HK1: variants seen among roughly 807,000 people sequenced by gnomAD.
The protein encoded by HK1 is hexokinase 1, also known as hexokinase-1.
Under a neutral mutation model 91.6 loss-of-function variants are expected in HK1, and 28 were observed. The ratio of observed to expected loss-of-function variants is 0.31; its 90% CI spans 0.23 to 0.42. The LOEUF (loss-of-function observed/expected upper bound fraction) is 0.42, where lower values mean the gene tolerates loss of function less well. HK1 is among the 10% of genes least tolerant of loss of function. The pLI is 1.00. For missense variants in HK1, 770 were observed against 1,219.8 expected (o/e 0.63, Z 5.49); for synonymous variants, 430 against 468.1 (o/e 0.92, Z 1.05).
chr10:69,359,523 G>A (rs900561822), intron 2 of HK1, among the ~76,000 whole-genome samples: 1 of 152,216 alleles, frequency 6.6e-6, no homozygotes, highest in African/African-American at 2.4e-5. Flanking sequence ...CTTTGTCTGA[G>A]TTGAAATGCG....
At chr10:69,319,033 G>A in intron 1 of HK1, 23 bp downstream of exon 1, 2 of 1,586,122 alleles carry the variant, frequency 1.3e-6, no homozygotes, top group South Asian at 1.1e-5. Context: ...CCGCGCCGCC[G>A]CTGGTCCTGG....
At chr10:69,386,465 C>A in intron 13 of HK1, 47 bp downstream of exon 13, 1 of 1,455,530 alleles carries the variant, frequency 6.9e-7, no homozygotes, top group Non-Finnish European at 9.6e-7. Context: ...GTTTTAGGGG[C>A]TTCTAAAAAG....
intron 2 of HK1, among the ~76,000 whole-genome samples, chr10:69,356,827 G>A (rs924964538): frequency 7.1e-6 from 1 of 141,200 alleles, no homozygotes; most frequent in Non-Finnish European, 1.5e-5. Context: ...AGGTTGCAGT[G>A]AGTCGAGATT....
intron 2 of HK1, 29 bp from the exon 3 acceptor site, chr10:69,359,868 C>T: frequency 6.2e-7 from 1 of 1,611,900 alleles, no homozygotes; most frequent in Non-Finnish European, 8.5e-7. Flanking sequence ...ATTTGAATCT[C>T]ATGTGATACC....
chr10:69,321,402 G>C (rs1847017021), intron 1 of HK1, among the ~76,000 whole-genome samples: 1 of 152,204 alleles, frequency 6.6e-6, no homozygotes, highest in Non-Finnish European at 1.5e-5. Flanking sequence ...ACTCACCATA[G>C]GAAAGGCTAG....
intron 4 of HK1, chr10:69,296,149 A>T (rs1303932873): frequency 5.1e-6 from 1 of 194,476 alleles, no homozygotes. Flanking sequence ...GCCCCAAATC[A>T]AAGAGTTTCC....
At chr10:69,279,207 A>G (rs1844615019) in intron 1 of HK1, among the ~76,000 whole-genome samples, 1 of 152,040 alleles carries the variant, frequency 6.6e-6, no homozygotes, top group Admixed American at 6.6e-5. Flanking sequence ...TCTGTGTTGT[A>G]TTTCTTCCTG....
At chr10:69,396,016 A>G (rs1232498065) in intron 16 of HK1, among the ~76,000 whole-genome samples, 1 of 152,206 alleles carries the variant, frequency 6.6e-6, no homozygotes, top group Admixed American at 6.5e-5. Context: ...TCATGCCTGT[A>G]ATCTCAACAC....
intron 13 of HK1, among the ~76,000 whole-genome samples, chr10:69,388,038 C>G (rs1158453159): frequency 2.6e-5 from 4 of 151,976 alleles, no homozygotes; most frequent in Non-Finnish European, 4.4e-5. Flanking sequence ...TGAAAGAGGG[C>G]TGATTTGTCT....
upstream of HK1, among the ~76,000 whole-genome samples, chr10:69,314,914 C>T (rs1846559155): frequency 6.6e-6 from 1 of 152,220 alleles, no homozygotes; most frequent in Admixed American, 6.5e-5. Context: ...GATCCTCCCA[C>T]CTCAGCCTCC....
In HK1 at chr10:69,369,403, C is replaced by T. The variant is rs201676200; in HGVS notation, c.692-38C>T. On this transcript the variant is annotated intron_variant, in intron 6 of 17. Transcript: ENST00000359426. This position sits in a 1 kb window ranked among gnomAD's most constrained non-coding sequence, Gnocchi z 4.4. ...TTTCCAGGTGGCTCTGCACCCTCCC[C>T]GTTGTGTGGTCATAGCTTCTGATCT... 4.0e-4 allele frequency: 646 copies of T among 1,613,998 alleles called. 4 individuals are homozygous for T. In the South Asian group the frequency reaches 5.7e-3, roughly 14 times the overall value.
rs80253311 is a variant in HK1, at chr10:69,340,743, G to A, written c.64-3084G>A. On this transcript the variant is annotated intron_variant, in intron 1 of 17. Transcript: ENST00000359426. Reference sequence around the variant, plus strand: ...TTGCGCTTGCTCCTCCATTCTCCACGCAGCAGACACACAACTCTCATCATG... The same window carrying A: ...TTGCGCTTGCTCCTCCATTCTCCACACAGCAGACACACAACTCTCATCATG... Among the ~76,000 whole-genome samples, 1,160 of 152,090 alleles carry A rather than the reference G, an allele frequency of 7.6e-3. 12 individuals carry two copies. Among genetic ancestry groups the A allele is most frequent in the African/African-American group, 0.026 (1,097 of 41,468 alleles).
intron 1 of HK1, among the ~76,000 whole-genome samples, chr10:69,271,477 C>CT (rs34031234): frequency 7.9e-5 from 10 of 125,992 alleles, no homozygotes; most frequent in Non-Finnish European, 1.2e-4. Flanking sequence ...ATTTTGAAGT[C>CT]TTTTTTTTTT....
intron 1 of HK1, among the ~76,000 whole-genome samples, chr10:69,336,522 CAG>C (rs908777639): frequency 7.9e-4 from 119 of 151,108 alleles, no homozygotes; most frequent in African/African-American, 2.6e-3. Context: ...AAAAATGAAA[CAG>C]TGTAAATGTT....
chr10:69,355,125 C>G (rs543615558), intron 2 of HK1, among the ~76,000 whole-genome samples: 53 of 150,406 alleles, frequency 3.5e-4, no homozygotes, highest in Non-Finnish European at 7.5e-4. Flanking sequence ...GTGAGAATTC[C>G]TTGGTTTGTT....
intron 3 of HK1, among the ~76,000 whole-genome samples, chr10:69,362,841 C>T (rs1475536048): frequency 3.9e-5 from 6 of 152,280 alleles, no homozygotes; most frequent in Non-Finnish European, 7.4e-5. Context: ...GAAGCTTAGC[C>T]GGCTTCTCTG....
upstream of HK1, chr10:69,318,797 G>T (rs1846810827): frequency 1.4e-6 from 2 of 1,381,708 alleles, no homozygotes; most frequent in Non-Finnish European, 9.4e-7. Flanking sequence ...GGGAGCGCGC[G>T]AGCTGTCGCC....
At chr10:69,283,664 C>A (rs1844875460) in intron 2 of HK1, among the ~76,000 whole-genome samples, 1 of 150,458 alleles carries the variant, frequency 6.6e-6, no homozygotes, top group East Asian at 1.9e-4. Context: ...AACTGTAGTC[C>A]CAGCTACTCA....
chr10:69,388,734 G>C (rs1378275280), intron 13 of HK1, among the ~76,000 whole-genome samples: 1 of 152,112 alleles, frequency 6.6e-6, no homozygotes, highest in Non-Finnish European at 1.5e-5. Context: ...ATCTTCACTT[G>C]GATTGTTTCC....
Sources: allele counts gnomAD v4.1 joint callset (sites outside exome capture counted in the v4.1 genomes callset), GRCh38; gene constraint gnomAD v4.1.1; non-coding constraint Gnocchi (gnomAD v3.1); transcripts MANE v1.5; gene names NCBI Gene and HGNC (gene_info 2026-07-23, HGNC 2026-07-21).